LY6S: variants seen among roughly 807,000 people sequenced by gnomAD.
LY6S encodes the protein lymphocyte antigen 6 family member S, also known as lymphocyte antigen 6S.
chr8:143,044,120 T>C, the LY6S span: 1 of 456,238 alleles, frequency 2.2e-6, no homozygotes, highest in Admixed American at 2.3e-5. Context: ...ATGGCCTGGC[T>C]GATATCCCAC....
At chr8:143,051,588 G>C in the LY6S span, among the ~76,000 whole-genome samples, 1 of 151,854 alleles carries the variant, frequency 6.6e-6, no homozygotes, top group Non-Finnish European at 1.5e-5. Context: ...GCTAAAGAAA[G>C]TCAGGGGACT....
chr8:143,051,610 A>AGGTT, the LY6S span, among the ~76,000 whole-genome samples: 3 of 152,114 alleles, frequency 2.0e-5, no homozygotes, highest in African/African-American at 7.2e-5. Flanking sequence ...TAACACCTGA[A>AGGTT]GGTTAGTGGC....
At chr8:143,049,137 C>T in the LY6S span, 2 of 534,244 alleles carry the variant, frequency 3.7e-6, no homozygotes, top group African/African-American at 3.9e-5. Flanking sequence ...GTCCCACACC[C>T]TGTCATGGTC....
chr8:143,041,408 CAG>C, the LY6S span, among the ~76,000 whole-genome samples: 10 of 152,290 alleles, frequency 6.6e-5, 1 homozygote, highest in Non-Finnish European at 1.2e-4. Flanking sequence ...CACAGGCAAC[CAG>C]AGTTTAAGGT....
the LY6S span, among the ~76,000 whole-genome samples, chr8:143,067,666 C>A: frequency 6.6e-6 from 1 of 152,076 alleles, no homozygotes; most frequent in Non-Finnish European, 1.5e-5. Context: ...ACTATCTTGG[C>A]GAGGGGAGTG....
the LY6S span, among the ~76,000 whole-genome samples, chr8:143,055,039 A>G: frequency 2.6e-5 from 4 of 152,230 alleles, no homozygotes; most frequent in Admixed American, 2.0e-4. Context: ...GTTTGGTCGT[A>G]GAACGAATTA....
the LY6S span, among the ~76,000 whole-genome samples, chr8:143,072,543 C>T: frequency 7.0e-6 from 1 of 142,196 alleles, no homozygotes; most frequent in East Asian, 2.2e-4. Flanking sequence ...AGACAGCCGT[C>T]GTCCTCGTGG....
the LY6S span, among the ~76,000 whole-genome samples, chr8:143,052,105 C>G: frequency 6.6e-6 from 1 of 151,884 alleles, no homozygotes; most frequent in Non-Finnish European, 1.5e-5. Context: ...CACGGTGAAA[C>G]CCCGTCTCTA....
At chr8:143,052,696 A>G in the LY6S span, among the ~76,000 whole-genome samples, 3 of 152,166 alleles carry the variant, frequency 2.0e-5, no homozygotes, top group Non-Finnish European at 2.9e-5. Context: ...GGAATTAAGT[A>G]TCGTCTCCGC....
At chr8:143,052,148 G>A in the LY6S span, among the ~76,000 whole-genome samples, 1,294 of 151,666 alleles carry the variant, frequency 8.5e-3, 12 homozygotes, top group African/African-American at 0.028. Flanking sequence ...AGGCGTGGTG[G>A]CGGGCGCCTG....
chr8:143,071,002 T>C, the LY6S span, among the ~76,000 whole-genome samples: 1 of 150,646 alleles, frequency 6.6e-6, no homozygotes, highest in Admixed American at 6.6e-5. Flanking sequence ...TCACTTGTTT[T>C]TACGTGTGGT....
chr8:143,064,895 A>G, the LY6S span, among the ~76,000 whole-genome samples: 1 of 152,214 alleles, frequency 6.6e-6, no homozygotes, highest in Non-Finnish European at 1.5e-5. Flanking sequence ...AAAACCAGCC[A>G]TAGCTCATCT....
chr8:143,048,470 C>CTTTTTTTT, the LY6S span, among the ~76,000 whole-genome samples: 1 of 124,520 alleles, frequency 8.0e-6, no homozygotes, highest in Non-Finnish European at 1.7e-5. Flanking sequence ...ACAAAATTTT[C>CTTTTTTTT]TTTTTTTTTT....
At chr8:143,057,104 T>C in the LY6S span, 1 of 318,354 alleles carries the variant, frequency 3.1e-6, no homozygotes, top group Non-Finnish European at 6.4e-6. Flanking sequence ...GCAACTTTAG[T>C]TGGTAGGAAA....
chr8:143,057,915 C>G, the LY6S span: 1 of 591,282 alleles, frequency 1.7e-6, no homozygotes, highest in Non-Finnish European at 3.1e-6. Flanking sequence ...CAGAGGGATG[C>G]GGCCCACGGT....
At chr8:143,046,535 G>A in the LY6S span, among the ~76,000 whole-genome samples, 14 of 147,066 alleles carry the variant, frequency 9.5e-5, no homozygotes, top group East Asian at 4.0e-4. Context: ...ATGAGATTGC[G>A]CCACTACACT....
chr8:143,055,446 G>A, the LY6S span, among the ~76,000 whole-genome samples: 48 of 152,258 alleles, frequency 3.2e-4, no homozygotes, highest in African/African-American at 1.1e-3. Flanking sequence ...AAGCACATAC[G>A]ATTAACATTC....
the LY6S span, chr8:143,044,718 C>G: frequency 1.5e-6 from 2 of 1,367,652 alleles, no homozygotes; most frequent in East Asian, 9.1e-5. Context: ...AGACACAGAC[C>G]CCATCCAGGA....
chr8:143,074,980 T>C, the LY6S span, among the ~76,000 whole-genome samples: 1 of 152,248 alleles, frequency 6.6e-6, no homozygotes, highest in Non-Finnish European at 1.5e-5. Flanking sequence ...TTGTACATAA[T>C]TCCATTTTTT....
Sources: gnomAD v4.1 joint callset for allele counts (sites outside exome capture counted in the v4.1 genomes callset) on GRCh38, gnomAD v4.1.1 for gene constraint, MANE v1.5 for transcripts, NCBI Gene and HGNC (gene_info 2026-07-23, HGNC 2026-07-21) for gene names.